Variants in IFI44L observed in about 807,000 individuals in gnomAD.
IFI44L encodes interferon induced protein 44 like.
Under a neutral mutation model 39.3 loss-of-function variants are expected in IFI44L, and 40 were observed. The ratio of observed to expected loss-of-function variants is 1.02; its 90% CI spans 0.79 to 1.33. IFI44L has a LOEUF of 1.33. Among genes scored for constraint, IFI44L ranks in the 40% most tolerant of loss-of-function variants. IFI44L has a pLI of 0.00. For missense variants in IFI44L, 623 were observed against 549.0 expected (o/e 1.13, Z -1.35); for synonymous variants, 198 against 182.3 (o/e 1.09, Z -0.69).
Position 78,645,520 on chromosome 1 carries a change from A to T in IFI44L, c.*3711A>T, listed in dbSNP as rs962022257. ...TTAATTTATTTTGACGCAAATTGATAGGGGGGCCAAGTAAGCCCCATATGC... is the reference window on the plus strand; with the variant it reads ...TTAATTTATTTTGACGCAAATTGATTGGGGGGCCAAGTAAGCCCCATATGC... On this transcript the variant is annotated 3_prime_UTR_variant, in exon 9 of 9. Transcript: ENST00000370751. The T allele has an allele frequency of 6.6e-6, 1 of 152,188 alleles. No individual in the cohort carries two copies. The highest frequency in any genetic ancestry group is 2.4e-5 in the African/African-American group (1 of 41,448). 9.4% of individuals were successfully genotyped at this position (152,188 alleles called of 1,614,324 possible).
Position 78,645,446 on chromosome 1 carries a change from A to G in IFI44L, c.*3637A>G, listed in dbSNP as rs1353720885. 6.6e-6 allele frequency: 1 copy of G among 152,164 alleles called. No individual in the cohort carries two copies. Among genetic ancestry groups the G allele is most frequent in the East Asian group, 1.9e-4 (1 of 5,194 alleles). 9.4% of individuals were successfully genotyped at this position (152,164 alleles called of 1,614,324 possible). ...ACTTGTGTCTTGTTTAGAAAGATAAATTTAAAGACTATCACATTGCTTTTT... is the reference window on the plus strand; with the variant it reads ...ACTTGTGTCTTGTTTAGAAAGATAAGTTTAAAGACTATCACATTGCTTTTT... On this transcript the variant is annotated 3_prime_UTR_variant, in exon 9 of 9. Transcript: ENST00000370751.
intron 1 of IFI44L, among the ~76,000 whole-genome samples, chr1:78,622,997 T>C (rs1652333322): frequency 6.6e-6 from 1 of 152,200 alleles, no homozygotes; most frequent in Admixed American, 6.5e-5. Flanking sequence ...TATAAATGTG[T>C]GTTGTTTTAA....
At position 78,628,372 on chromosome 1, in the gene IFI44L, T is replaced by G. The variant is rs748287970; in HGVS notation, c.457T>G (p.Cys153Gly). ...TTATGGCCACCGTCAGTATTTGGAA[T>G]GTGAAGTTTTTCGAGTTGAAGGTTT... ...RFYGHRQYLECEVFRVEGIKD... is the reference protein window; with the variant it reads ...RFYGHRQYLEGEVFRVEGIKD... The change falls in exon 2 of 9, where the codon TGT (cysteine) becomes GGT (glycine). Residue 153 changes from cysteine to glycine, a missense_variant. Transcript: ENST00000370751. The G allele has an allele frequency of 8.9e-6, 14 of 1,568,976 alleles. No homozygotes were observed. Among genetic ancestry groups the G allele is most frequent in the African/African-American group, 1.4e-5 (1 of 72,410 alleles).
At position 78,642,108 on chromosome 1, in the gene IFI44L, A is replaced by G. The variant is rs1646994209; in HGVS notation, c.*299A>G. ...CTAATTTATTCTTCTATAACACTCT[A>G]TATAGAGCTATGTGAGTACTAATCA... On this transcript the variant is annotated 3_prime_UTR_variant, in exon 9 of 9. Coordinates refer to ENST00000370751, the MANE Select transcript of IFI44L (RefSeq NM_006820.4). 6.4e-6 allele frequency: 3 copies of G among 472,122 alleles called. No homozygotes were observed. The highest frequency in any genetic ancestry group is 3.5e-5 in the Admixed American group (1 of 28,558). 29.2% of individuals were successfully genotyped at this position (472,122 alleles called of 1,614,324 possible).
At chr1:78,623,396 G>GTTTTTTTTTTTTTTT (rs71078508) in intron 1 of IFI44L, among the ~76,000 whole-genome samples, 12 of 121,324 alleles carry the variant, frequency 9.9e-5, no homozygotes, top group Non-Finnish European at 1.8e-4. Context: ...AGTGTTTTTT[G>GTTTTTTTTTTTTTTT]TTTTTTTTTT....
At chr1:78,626,356 G>A (rs1324521097) in intron 1 of IFI44L, 1 of 151,866 alleles carries the variant, frequency 6.6e-6, no homozygotes, top group Non-Finnish European at 1.5e-5. Context: ...ATCTCTATGG[G>A]TAACTCCAGT....
At chr1:78,639,620 A>T (rs1025662290) in intron 6 of IFI44L, among the ~76,000 whole-genome samples, 4 of 152,112 alleles carry the variant, frequency 2.6e-5, no homozygotes, top group Non-Finnish European at 2.9e-5. Context: ...AAATTGCATT[A>T]TCTGCACTTT....
intron 4 of IFI44L, among the ~76,000 whole-genome samples, chr1:78,635,036 A>G (rs1652891409): frequency 6.6e-6 from 1 of 151,446 alleles, no homozygotes; most frequent in African/African-American, 2.4e-5. Flanking sequence ...GTATATATAT[A>G]TATATATACA....
intron 5 of IFI44L, among the ~76,000 whole-genome samples, chr1:78,636,353 G>C (rs965334707): frequency 5.9e-5 from 9 of 152,068 alleles, no homozygotes; most frequent in Admixed American, 5.9e-4. Context: ...ATAGAGCGAA[G>C]ACATTGGAGA....
chr1:78,638,426 C>T (rs1213302801), intron 6 of IFI44L, among the ~76,000 whole-genome samples: 1 of 152,124 alleles, frequency 6.6e-6, no homozygotes, highest in Non-Finnish European at 1.5e-5. Flanking sequence ...TGCCATCTCT[C>T]ATCTCTCCTT....
intron 4 of IFI44L, 110 bp downstream of exon 4, chr1:78,630,025 A>C (rs985491080): frequency 2.9e-6 from 3 of 1,039,412 alleles, no homozygotes; most frequent in African/African-American, 3.2e-5. Context: ...ATGCTAAATC[A>C]AATGGAAAAT....
Position 78,641,773 on chromosome 1 carries a change from A to G in IFI44L, c.1325-2A>G, listed in dbSNP as rs1459018734. On this transcript the variant is annotated splice_acceptor_variant, in intron 8 of 8. Transcript: ENST00000370751. LOFTEE classifies it high-confidence loss of function. Reference sequence around the variant, plus strand: ...TTCCACTCTTGTTTGTTTCATTTTCAGGTGCAATTGAGAGAGCGTTACAGC... The same window carrying G: ...TTCCACTCTTGTTTGTTTCATTTTCGGGTGCAATTGAGAGAGCGTTACAGC... The G allele has an allele frequency of 1.2e-6, 2 of 1,613,650 alleles. No individual in the cohort carries two copies. The highest frequency in any genetic ancestry group is 1.7e-6 in the Non-Finnish European group (2 of 1,179,648).
chr1:78,626,686 T>A (rs1044950960), intron 1 of IFI44L: 49 of 152,190 alleles, frequency 3.2e-4, no homozygotes, highest in African/African-American at 6.5e-4. Flanking sequence ...AAATTTTTTT[T>A]AAAATTTTAT....
chr1:78,639,774 A>G (rs1263253981), intron 6 of IFI44L, among the ~76,000 whole-genome samples: 1 of 152,102 alleles, frequency 6.6e-6, no homozygotes, highest in East Asian at 1.9e-4. Flanking sequence ...AATATAAAGA[A>G]TTGTTGGGGC....
At chr1:78,624,049 C>G (rs113172966) in intron 1 of IFI44L, among the ~76,000 whole-genome samples, 255 of 151,916 alleles carry the variant, frequency 1.7e-3, no homozygotes, top group Non-Finnish European at 2.8e-3. Context: ...TCTCTGTCAC[C>G]CAGGCTGGAG....
At position 78,628,993 on chromosome 1, in the gene IFI44L, C is replaced by G. The variant is rs1197500439; in HGVS notation, c.521C>G (p.Ala174Gly). ...GACGACATAAAGAGGATAATTAAAG[C>G]CAGAGAGTAAGTTGGATTCTTGGGC... ...NLDDIKRIIKAREHRNRLLAD... is the reference protein window; with the variant it reads ...NLDDIKRIIKGREHRNRLLAD... Residue 174 changes from alanine to glycine, a missense_variant, in exon 3 of 9, where the codon GCC becomes GGC. Physicochemically the swap from Ala to Gly is moderately conservative, Grantham distance 60 (BLOSUM62 0). Coordinates refer to ENST00000370751, the MANE Select transcript of IFI44L (RefSeq NM_006820.4). 3 of 1,573,502 alleles carry G rather than the reference C, an allele frequency of 1.9e-6. No homozygotes were observed. Among genetic ancestry groups the G allele is most frequent in the African/African-American group, 1.4e-5 (1 of 73,962 alleles).
intron 4 of IFI44L, among the ~76,000 whole-genome samples, chr1:78,631,280 T>C (rs1295295248): frequency 6.6e-6 from 1 of 152,172 alleles, no homozygotes; most frequent in Non-Finnish European, 1.5e-5. Context: ...AAGATGCATA[T>C]TGGTGTTCCT....
rs1179059078 is a variant in IFI44L at position 78,627,967 on chromosome 1, C to T, written c.52C>T (p.Leu18=). 2.5e-6 allele frequency: 4 copies of T among 1,610,480 alleles called. No homozygotes were observed. The highest frequency in any genetic ancestry group is 3.4e-6 in the Non-Finnish European group (4 of 1,178,622). The change falls in exon 2 of 9, where the codon CTG becomes TTG. Residue 18 remains leucine (L), a synonymous_variant. Coordinates refer to ENST00000370751, the MANE Select transcript of IFI44L (RefSeq NM_006820.4). The part of the protein sequence containing the change: ...TWNDENHLRK[L]LGNVSLSLLY... ...GAATGATGAAAATCATCTGCGCAAG[C>T]TGCTTGGAAATGTTTCTTTGAGTCT...
intron 5 of IFI44L, chr1:78,636,015 A>G (rs1204530312): frequency 6.9e-6 from 1 of 145,320 alleles, no homozygotes; most frequent in East Asian, 2.0e-4. Context: ...AATAGTGTCT[A>G]TCTCATAGGG....
Sources: gnomAD v4.1 joint callset for allele counts (sites outside exome capture counted in the v4.1 genomes callset) on GRCh38, gnomAD v4.1.1 for gene constraint, MANE v1.5 for transcripts, NCBI Gene and HGNC (gene_info 2026-07-23, HGNC 2026-07-21) for gene names.